ABTB3: variants seen among roughly 807,000 people sequenced by gnomAD.
ABTB3 encodes the protein ankyrin repeat and BTB domain containing 3, also known as ankyrin repeat- and BTB/POZ domain-containing protein 3.
the ABTB3 span, among the ~76,000 whole-genome samples, chr12:107,381,262 G>T: frequency 1.3e-5 from 2 of 152,220 alleles, no homozygotes; most frequent in Non-Finnish European, 2.9e-5. Flanking sequence ...AGTGCAGGCT[G>T]GGCACTCAGG....
At chr12:107,500,706 A>G in the ABTB3 span, among the ~76,000 whole-genome samples, 1 of 152,032 alleles carries the variant, frequency 6.6e-6, no homozygotes, top group Non-Finnish European at 1.5e-5. Flanking sequence ...TTTAAAAACA[A>G]GCACCCAAGA....
the ABTB3 span, among the ~76,000 whole-genome samples, chr12:107,587,167 C>T: frequency 6.6e-6 from 1 of 152,170 alleles, no homozygotes; most frequent in South Asian, 2.1e-4. Flanking sequence ...AAGGCAGGGC[C>T]GAACTCACCA....
At chr12:107,320,024 TG>T in the ABTB3 span, 1 of 1,557,366 alleles carries the variant, frequency 6.4e-7, no homozygotes, top group South Asian at 1.2e-5. Context: ...CTCGGAGATC[TG>T]GGGTCTCCTG....
chr12:107,369,950 C>T, the ABTB3 span, among the ~76,000 whole-genome samples: 6 of 152,124 alleles, frequency 3.9e-5, no homozygotes, highest in Admixed American at 2.0e-4. Flanking sequence ...CTTACAGCCA[C>T]GTGAACTTGA....
chr12:107,649,918 A>G, the ABTB3 span: 3 of 152,266 alleles, frequency 2.0e-5, no homozygotes, highest in Non-Finnish European at 4.4e-5. Flanking sequence ...GTCCAAAGCC[A>G]AGATTTTCCC....
the ABTB3 span, among the ~76,000 whole-genome samples, chr12:107,408,154 T>C: frequency 0.16 from 24,831 of 152,048 alleles, 3,968 homozygotes; most frequent in East Asian, 0.42. Flanking sequence ...TGTGAGGAGA[T>C]AGGCGTGCTC....
At chr12:107,639,330 T>C in the ABTB3 span, among the ~76,000 whole-genome samples, 619 of 152,254 alleles carry the variant, frequency 4.1e-3, 3 homozygotes, top group African/African-American at 0.014. Context: ...AGCTATTGAA[T>C]GATTTATAGC....
chr12:107,406,232 C>G, the ABTB3 span, among the ~76,000 whole-genome samples: 1 of 152,160 alleles, frequency 6.6e-6, no homozygotes, highest in African/African-American at 2.4e-5. Flanking sequence ...AGAAGCACCC[C>G]ATAAATGGAG....
the ABTB3 span, among the ~76,000 whole-genome samples, chr12:107,333,442 C>T: frequency 1.3e-5 from 2 of 152,142 alleles, no homozygotes; most frequent in Non-Finnish European, 2.9e-5. Context: ...GATGAGACAG[C>T]ACTTGAGGGT....
chr12:107,350,805 A>C, the ABTB3 span, among the ~76,000 whole-genome samples: 1 of 152,200 alleles, frequency 6.6e-6, no homozygotes, highest in South Asian at 2.1e-4. Flanking sequence ...ACATGGTCTA[A>C]CAGCATTACT....
At chr12:107,342,683 C>T in the ABTB3 span, among the ~76,000 whole-genome samples, 1 of 152,182 alleles carries the variant, frequency 6.6e-6, no homozygotes, top group Non-Finnish European at 1.5e-5. Context: ...TCCTCCTAGG[C>T]AGAGCATCCA....
chr12:107,626,516 T>G, the ABTB3 span, among the ~76,000 whole-genome samples: 2 of 151,930 alleles, frequency 1.3e-5, no homozygotes, highest in Non-Finnish European at 2.9e-5. Context: ...CGGCTAATTT[T>G]TTTTTGTATT....
the ABTB3 span, among the ~76,000 whole-genome samples, chr12:107,404,153 A>C: frequency 8.0e-6 from 1 of 124,692 alleles, no homozygotes. Context: ...ACAGAGAGAG[A>C]CTCTAACTCA....
At chr12:107,528,492 A>G in the ABTB3 span, among the ~76,000 whole-genome samples, 1 of 152,226 alleles carries the variant, frequency 6.6e-6, no homozygotes, top group East Asian at 1.9e-4. Flanking sequence ...TTTGGGAAAC[A>G]TAGTTATTAG....
chr12:107,506,374 G>A, the ABTB3 span, among the ~76,000 whole-genome samples: 4 of 152,244 alleles, frequency 2.6e-5, no homozygotes, highest in African/African-American at 9.6e-5. Flanking sequence ...AAAGGCAGTT[G>A]AAAAACTGGG....
the ABTB3 span, among the ~76,000 whole-genome samples, chr12:107,503,790 G>C: frequency 7.0e-6 from 1 of 142,874 alleles, no homozygotes; most frequent in Non-Finnish European, 1.5e-5. Flanking sequence ...AGAAGAAGAA[G>C]AAAGAGAAAA....
chr12:107,539,262 A>T, the ABTB3 span, among the ~76,000 whole-genome samples: 1 of 152,190 alleles, frequency 6.6e-6, no homozygotes, highest in South Asian at 2.1e-4. Flanking sequence ...ACATTGTCTC[A>T]GTGCCCGATC....
chr12:107,431,233 A>G, the ABTB3 span, among the ~76,000 whole-genome samples: 4 of 152,348 alleles, frequency 2.6e-5, no homozygotes, highest in East Asian at 7.7e-4. Context: ...AATACAAATG[A>G]AAACACTAAT....
chr12:107,618,197 G>A, the ABTB3 span: 1 of 1,614,028 alleles, frequency 6.2e-7, no homozygotes, highest in Non-Finnish European at 8.5e-7. Context: ...CAGAGAAGGA[G>A]AAGAGTGATA....
Sources: allele counts gnomAD v4.1 joint callset (sites outside exome capture counted in the v4.1 genomes callset), GRCh38; gene constraint gnomAD v4.1.1; transcripts MANE v1.5; gene names NCBI Gene and HGNC (gene_info 2026-07-23, HGNC 2026-07-21).